The following NUMA1 variants were observed in gnomAD, a reference collection of about 807,000 sequenced individuals.
The protein encoded by NUMA1 is SP-H antigen.
In NUMA1, 62 loss-of-function variants were observed where a neutral mutation model predicts 237.1. The observed-to-expected ratio is 0.26, with a 90% CI of 0.21 to 0.32. The LOEUF (loss-of-function observed/expected upper bound fraction) is 0.32. Among genes scored for constraint, NUMA1 ranks in the 10% least tolerant of loss-of-function variants. The probability of loss-of-function intolerance (pLI) is 1.00; values close to 1 mark genes in which losing one functional copy is unlikely to be tolerated. For missense variants in NUMA1, 2,533 were observed against 2,666.5 expected (o/e 0.95, Z 1.10); for synonymous variants, 1,028 against 1,066.1 (o/e 0.96, Z 0.70).
At chr11:72,006,468 C>G (rs1467789155) in intron 21 of NUMA1, among the ~76,000 whole-genome samples, 6 of 152,220 alleles carry the variant, frequency 3.9e-5, no homozygotes, top group Admixed American at 3.3e-4. Flanking sequence ...CAAGACTCTT[C>G]TACGCATTTT....
In NUMA1 at chr11:72,013,461, G is replaced by A. The variant is rs1404016118; in HGVS notation, c.4042C>T (p.Leu1348Phe). ...AGGGCCTGTGTGCTGGTGTGCTCGA[G>A]CTGCAGGGTGGAGAGGGCCTGCTCT... Reference protein sequence around the residue: ...QKEQALSTLQLEHTSTQALVS... With the variant: ...QKEQALSTLQFEHTSTQALVS... Residue 1348 changes from leucine to phenylalanine, a missense_variant, in exon 15 of 27, where the codon CTC becomes TTC. By Grantham distance (22) the Leu-to-Phe change is conservative (BLOSUM62 0). Transcript: ENST00000393695. This position sits in a 1 kb window ranked among gnomAD's most constrained non-coding sequence, Gnocchi z 6.8. 6.2e-7 allele frequency: 1 copy of A among 1,613,286 alleles called. No individual in the cohort carries two copies. Among genetic ancestry groups the A allele is most frequent in the Non-Finnish European group, 8.5e-7 (1 of 1,180,034 alleles).
intron 20 of NUMA1, chr11:72,007,858 G>T (rs781065325): frequency 8.6e-6 from 3 of 350,684 alleles, no homozygotes; most frequent in African/African-American, 4.3e-5. Context: ...CAAGCTTCCT[G>T]AACAGCTCCT....
chr11:72,028,735 G>C (rs1054387271), intron 4 of NUMA1, among the ~76,000 whole-genome samples: 2 of 152,242 alleles, frequency 1.3e-5, no homozygotes, highest in Non-Finnish European at 1.5e-5. Flanking sequence ...AGGCATATCT[G>C]TACTGTGCTA....
Position 72,024,495 on chromosome 11 carries a change from G to A in NUMA1, c.129-142C>T, listed in dbSNP as rs1939307865. ...GATCCAGATCAGATCCTGGAGGCAG[G>A]TGACAGATACCAGGACACCATTTAT... On this transcript the variant is annotated intron_variant, in intron 4 of 26. Transcript: ENST00000393695. 5.8e-5 allele frequency: 42 copies of A among 725,010 alleles called. No individual in the cohort carries two copies. In the East Asian group the frequency reaches 1.1e-3, roughly 18 times the overall value. 44.9% of individuals were successfully genotyped at this position (725,010 alleles called of 1,614,324 possible). A position where few individuals can be genotyped will look rare whatever the true frequency, so the allele number is the denominator to read the frequency against.
Position 72,007,214 on chromosome 11 carries a change from T to C in NUMA1, c.5438A>G (p.Gln1813Arg). 1 of 1,611,054 alleles carries C rather than the reference T, an allele frequency of 6.2e-7. No homozygotes were observed. The highest frequency in any genetic ancestry group is 8.5e-7 in the Non-Finnish European group (1 of 1,179,968). Residue 1813 changes from glutamine (Q) to arginine (R), a missense_variant, in exon 21 of 27, where the codon CAG becomes CGG. Transcript: ENST00000393695. ...CTTGGTCATGGTGATGTTGATGATC[T>C]GCGTGGTGCGCCGACGAGCGGAGCG... ...KTRSARRRTT[Q>R]IINITMTKKL...
chr11:72,063,221 A>G (rs1943034217), intron 2 of NUMA1, among the ~76,000 whole-genome samples: 1 of 151,940 alleles, frequency 6.6e-6, no homozygotes, highest in Non-Finnish European at 1.5e-5. Context: ...TCATCTCTAC[A>G]AAAAATAAAA....
At position 72,006,212 on chromosome 11, in the gene NUMA1, G is replaced by T. The variant is rs367629814; in HGVS notation, c.5515C>A (p.Arg1839=). The change falls in exon 22 of 27, where the codon CGG becomes AGG. Residue 1839 remains arginine (R), a synonymous_variant. Transcript: ENST00000393695. ...DSANSSFYST[R]SAPASQASLR... ...CTAGCCTGGGAAGCAGGAGCAGACC[G>T]CGTGCTGTAGAACGATGAGTTGGCG... is the stretch of plus-strand genomic sequence containing the variant. 3.7e-6 allele frequency: 6 copies of T among 1,614,156 alleles called. No homozygotes were observed. The highest frequency in any genetic ancestry group is 2.7e-5 in the African/African-American group (2 of 75,050).
At chr11:72,004,445 C>T in intron 24 of NUMA1, 104 bp from the exon 25 acceptor site, 1 of 1,237,250 alleles carries the variant, frequency 8.1e-7, no homozygotes, top group Non-Finnish European at 1.2e-6. Context: ...AGTCAACGTG[C>T]AACCTGCTCC....
chr11:72,006,551 G>A (rs1955724953), intron 21 of NUMA1, among the ~76,000 whole-genome samples: 1 of 152,178 alleles, frequency 6.6e-6, no homozygotes, highest in Admixed American at 6.5e-5. Context: ...TGGAGATGAA[G>A]TGCAAAGAAA....
chr11:72,062,839 A>G (rs1943015601), intron 2 of NUMA1, among the ~76,000 whole-genome samples: 2 of 151,882 alleles, frequency 1.3e-5, no homozygotes, highest in Non-Finnish European at 2.9e-5. Flanking sequence ...TTGGGAGGCC[A>G]AGGTGGGCGG....
intron 13 of NUMA1, 27 bp from the exon 14 acceptor site, chr11:72,016,557 CAG>C (rs1937788759): frequency 9.9e-6 from 16 of 1,609,184 alleles, no homozygotes; most frequent in African/African-American, 1.3e-5. Flanking sequence ...CCCATGTGAA[CAG>C]AGAGGGGGAA....
Position 72,017,313 on chromosome 11 carries a change from G to A in NUMA1, c.1119+374C>T, listed in dbSNP as rs149501144. 3.2e-3 allele frequency: 970 copies of A among 302,774 alleles called. 8 individuals are homozygous for A. Among genetic ancestry groups the A allele is most frequent in the Admixed American group, 7.6e-3 (176 of 23,114 alleles). 18.8% of individuals were successfully genotyped at this position (302,774 alleles called of 1,614,324 possible). On this transcript the variant is annotated intron_variant, in intron 13 of 26. Coordinates refer to ENST00000393695, the MANE Select transcript of NUMA1 (RefSeq NM_006185.4). ...ACTGAGAGCTTACTTTACACTACAC[G>A]ATGTGTGAAGTGCTTTACATACGTT...
At chr11:72,008,177 A>G (rs1253939394) in intron 20 of NUMA1, 1 of 472,904 alleles carries the variant, frequency 2.1e-6, no homozygotes, top group Non-Finnish European at 4.2e-6. Flanking sequence ...TAAGTGTTTA[A>G]TAAAAACATT....
At chr11:72,028,733 C>G (rs1364301152) in intron 4 of NUMA1, among the ~76,000 whole-genome samples, 1 of 152,230 alleles carries the variant, frequency 6.6e-6, no homozygotes, top group East Asian at 1.9e-4. Flanking sequence ...AGAGGCATAT[C>G]TGTACTGTGC....
chr11:72,003,704 C>T, intron 26 of NUMA1, 166 bp from the exon 27 acceptor site: 1 of 1,016,858 alleles, frequency 9.8e-7, no homozygotes, highest in Non-Finnish European at 1.5e-6. Context: ...TGGGTGCTCT[C>T]CATGAGAATG....
intron 4 of NUMA1, among the ~76,000 whole-genome samples, chr11:72,025,012 C>T (rs569615328): frequency 6.6e-6 from 1 of 152,276 alleles, no homozygotes; most frequent in African/African-American, 2.4e-5. Flanking sequence ...ATCCTCCTGC[C>T]TCAGCCTCCC....
At position 72,015,503 on chromosome 11, in the gene NUMA1, T is replaced by C. The variant is rs770019906; in HGVS notation, c.2000A>G (p.His667Arg). Residue 667 changes from histidine (H) to arginine (R), a missense_variant, in exon 15 of 27, where the codon CAT (histidine) becomes CGT (arginine). Around this residue, in one of 3 missense-constraint regions of NUMA1, gnomAD observed 1,414 missense variants for 1,508.1 expected, o/e 0.94. Coordinates refer to ENST00000393695, the MANE Select transcript of NUMA1 (RefSeq NM_006185.4). The surrounding 1 kb of genome is among the most constrained non-coding windows in gnomAD (Gnocchi z 4.0). The part of the protein sequence containing the change: ...ACVETARQEQ[H>R]EAQAQVAELE... ...CTCTGCAACCTGGGCCTGGGCCTCA[T>C]GCTGTTCCTGGCGGGCTGTCTCAAC... 4 of 1,613,338 alleles carry C rather than the reference T, an allele frequency of 2.5e-6. No homozygotes were observed. Among genetic ancestry groups the C allele is most frequent in the Non-Finnish European group, 3.4e-6 (4 of 1,180,028 alleles).
chr11:72,007,108 C>A, intron 21 of NUMA1, 81 bp downstream of exon 21: 1 of 1,536,324 alleles, frequency 6.5e-7, no homozygotes, highest in South Asian at 1.2e-5. Context: ...CTCCCTGCTC[C>A]TGACTGAGTG....
In NUMA1 at chr11:72,013,223, C is replaced by T. The variant is rs913108787; in HGVS notation, c.4280G>A (p.Arg1427Gln). The T allele has an allele frequency of 3.7e-6, 6 of 1,608,906 alleles. No homozygotes were observed. Among genetic ancestry groups the T allele is most frequent in the South Asian group, 1.1e-5 (1 of 91,088 alleles). Reference sequence around the variant, plus strand: ...CTCTGCATAGCTGGCCTTCTCTGCCCGCAGCTGCTGAGCTGTTCGCTCCTG... The same window carrying T: ...CTCTGCATAGCTGGCCTTCTCTGCCTGCAGCTGCTGAGCTGTTCGCTCCTG... The part of the protein sequence containing the change: ...AEQERTAQQL[R>Q]AEKASYAEQL... The change falls in exon 15 of 27, where the codon CGG becomes CAG. Residue 1427 changes from arginine to glutamine, a missense_variant. Physicochemically the swap from Arg to Gln is conservative, Grantham distance 43. This residue lies in a region of NUMA1 where 324 missense variants were observed against 407.6 expected (regional missense o/e 0.79). Coordinates refer to ENST00000393695, the MANE Select transcript of NUMA1 (RefSeq NM_006185.4). This position sits in a 1 kb window ranked among gnomAD's most constrained non-coding sequence, Gnocchi z 6.8.
Sources: gnomAD v4.1 joint callset for allele counts (sites outside exome capture counted in the v4.1 genomes callset) on GRCh38, gnomAD v4.1.1 for gene constraint, gnomAD v4.1.1 regional missense constraint, Gnocchi (gnomAD v3.1) non-coding constraint, MANE v1.5 for transcripts, NCBI Gene and HGNC (gene_info 2026-07-23, HGNC 2026-07-21) for gene names.